Variants in IMMP1L observed in about 807,000 individuals in gnomAD.
IMMP1L encodes the protein mitochondrial inner membrane protease subunit 1.
Under a neutral mutation model 21.8 loss-of-function variants are expected in IMMP1L, and 24 were observed. That is an observed-to-expected ratio of 1.10 (90% CI 0.80 to 1.55). IMMP1L has a LOEUF of 1.55. IMMP1L is among the 40% of genes most tolerant of loss of function. The pLI, the probability that IMMP1L is intolerant of heterozygous loss-of-function variation, is 0.00. For missense variants in IMMP1L, 195 were observed against 200.7 expected (o/e 0.97, Z 0.17); for synonymous variants, 46 against 62.8 (o/e 0.73, Z 1.26).
At chr11:31,435,065 A>G (rs563027263) in intron 4 of IMMP1L, among the ~76,000 whole-genome samples, 2 of 152,212 alleles carry the variant, frequency 1.3e-5, no homozygotes, top group South Asian at 4.1e-4. Flanking sequence ...CTAAATTTCC[A>G]TAGTTTCTTC....
intron 1 of IMMP1L, 119 bp from the exon 2 acceptor site, chr11:31,463,424 G>T: frequency 1.1e-6 from 1 of 884,598 alleles, no homozygotes; most frequent in Non-Finnish European, 1.6e-6. Context: ...ACAATTTGGT[G>T]CAGGAAACCA....
At chr11:31,477,860 T>A (rs1285998075) in intron 1 of IMMP1L, 1 of 152,222 alleles carries the variant, frequency 6.6e-6, no homozygotes. Flanking sequence ...GTTGGCCCCC[T>A]ATTCCCTGTC....
At chr11:31,486,134 G>A (rs1359131805) in intron 1 of IMMP1L, among the ~76,000 whole-genome samples, 1 of 151,276 alleles carries the variant, frequency 6.6e-6, no homozygotes, top group Admixed American at 6.6e-5. Context: ...GTTAATAGCC[G>A]AAGGAATATC....
chr11:31,467,629 T>A (rs1954401765), intron 1 of IMMP1L, among the ~76,000 whole-genome samples: 1 of 152,024 alleles, frequency 6.6e-6, no homozygotes, highest in Non-Finnish European at 1.5e-5. Context: ...AAGTTCTTCA[T>A]CAAAACATGA....
chr11:31,493,793 G>A (rs1223103), intron 1 of IMMP1L, among the ~76,000 whole-genome samples: 58,460 of 152,116 alleles, frequency 0.38, 14,476 homozygotes, highest in African/African-American at 0.71. Context: ...CAAAGGGGCT[G>A]TGGGCCCCAT....
intron 1 of IMMP1L, among the ~76,000 whole-genome samples, chr11:31,467,471 G>A (rs1954396387): frequency 6.6e-6 from 1 of 152,104 alleles, no homozygotes; most frequent in Admixed American, 6.6e-5. Context: ...ATGGCCAAAT[G>A]TGGGACAATA....
intron 1 of IMMP1L, among the ~76,000 whole-genome samples, chr11:31,479,884 G>C (rs1175458181): frequency 6.6e-6 from 1 of 151,980 alleles, no homozygotes; most frequent in Non-Finnish European, 1.5e-5. Context: ...AAATCTGGTA[G>C]ATAAGCTTAG....
At chr11:31,433,864 C>T (rs1040324405) in intron 4 of IMMP1L, 1 of 212,980 alleles carries the variant, frequency 4.7e-6, no homozygotes, top group African/African-American at 2.3e-5. Context: ...AATAGTGTGA[C>T]AGGGTCATTA....
At chr11:31,469,963 T>C (rs1036481965) in intron 1 of IMMP1L, among the ~76,000 whole-genome samples, 1 of 152,150 alleles carries the variant, frequency 6.6e-6, no homozygotes, top group Admixed American at 6.6e-5. Context: ...ATCACCAAAC[T>C]ATAATTCTAT....
At chr11:31,479,594 T>C (rs963141302) in intron 1 of IMMP1L, among the ~76,000 whole-genome samples, 1 of 152,050 alleles carries the variant, frequency 6.6e-6, no homozygotes, top group African/African-American at 2.4e-5. Context: ...ACTTAAAAGA[T>C]GACTAGTCCA....
intron 4 of IMMP1L, among the ~76,000 whole-genome samples, chr11:31,437,621 C>G (rs903643737): frequency 3.3e-5 from 5 of 152,074 alleles, no homozygotes; most frequent in Admixed American, 3.3e-4. Flanking sequence ...ATTTTATATA[C>G]AGTAAAATGC....
At chr11:31,460,832 G>T in intron 2 of IMMP1L, 118 bp from the exon 3 acceptor site, 2 of 746,092 alleles carry the variant, frequency 2.7e-6, no homozygotes, top group Admixed American at 2.8e-5. Context: ...CTTGGGGGAT[G>T]ATTCATGAAA....
chr11:31,505,387 C>T (rs1266622972), intron 1 of IMMP1L, among the ~76,000 whole-genome samples: 1 of 152,184 alleles, frequency 6.6e-6, no homozygotes, highest in Non-Finnish European at 1.5e-5. Context: ...CAGAAGATGA[C>T]TTGATGGAGA....
At chr11:31,495,574 C>A (rs188833242) in intron 1 of IMMP1L, among the ~76,000 whole-genome samples, 3 of 152,170 alleles carry the variant, frequency 2.0e-5, no homozygotes, top group Non-Finnish European at 4.4e-5. Flanking sequence ...AGGACTTACA[C>A]GCTGATTTCA....
At chr11:31,433,196 G>T (rs1952978678) in intron 5 of IMMP1L, among the ~76,000 whole-genome samples, 1 of 152,160 alleles carries the variant, frequency 6.6e-6, no homozygotes, top group South Asian at 2.1e-4. Context: ...TTGTACAAGA[G>T]AGAACTGAAC....
chr11:31,503,441 T>C (rs1158608092), intron 1 of IMMP1L, among the ~76,000 whole-genome samples: 2 of 151,882 alleles, frequency 1.3e-5, no homozygotes, highest in African/African-American at 2.4e-5. Context: ...AAGTAAAGAC[T>C]GAGAAAAACC....
intron 1 of IMMP1L, among the ~76,000 whole-genome samples, chr11:31,485,206 C>T (rs563022332): frequency 6.6e-6 from 1 of 151,904 alleles, no homozygotes; most frequent in South Asian, 2.1e-4. Context: ...GGTGATTTAA[C>T]CTTTGTAACT....
At chr11:31,489,440 C>A (rs756948067) in intron 1 of IMMP1L, among the ~76,000 whole-genome samples, 1 of 152,096 alleles carries the variant, frequency 6.6e-6, no homozygotes, top group East Asian at 1.9e-4. Context: ...CAAAATGACA[C>A]AAGCAGTTTA....
At chr11:31,447,837 G>T (rs1953584850) in intron 4 of IMMP1L, among the ~76,000 whole-genome samples, 1 of 152,112 alleles carries the variant, frequency 6.6e-6, no homozygotes, top group South Asian at 2.1e-4. Flanking sequence ...TTTAGGTAGA[G>T]AATTGTTTGG....
Sources: gnomAD v4.1 joint callset for allele counts (sites outside exome capture counted in the v4.1 genomes callset) on GRCh38, gnomAD v4.1.1 for gene constraint, MANE v1.5 for transcripts, NCBI Gene and HGNC (gene_info 2026-07-23, HGNC 2026-07-21) for gene names.